Variants in VDAC1 observed in about 807,000 individuals in gnomAD.
VDAC1 encodes non-selective voltage-gated ion channel VDAC1.
In VDAC1, 10 loss-of-function variants were observed where a neutral mutation model predicts 34.7. The observed-to-expected ratio is 0.29, with a 90% CI of 0.18 to 0.49. The LOEUF is 0.49. VDAC1 is among the 20% of genes least tolerant of loss of function. The pLI is 0.99. For synonymous variants in VDAC1, 130 were observed against 136.0 expected (o/e 0.96, Z 0.30); for missense variants, 230 against 347.9 (o/e 0.66, Z 2.69).
chr5:133,977,732 A>G (rs987750317), intron 6 of VDAC1, among the ~76,000 whole-genome samples: 2 of 152,204 alleles, frequency 1.3e-5, no homozygotes, highest in African/African-American at 4.8e-5. Flanking sequence ...TTCTCCATGG[A>G]GGGAACCACA....
At chr5:134,095,522 A>AAATAAATC in the VDAC1 span, among the ~76,000 whole-genome samples, 141 of 150,932 alleles carry the variant, frequency 9.3e-4, no homozygotes, top group African/African-American at 2.2e-3. Flanking sequence ...ATAAATAAAT[A>AAATAAATC]AATCCAAGAG....
chr5:134,029,868 C>T, the VDAC1 span, among the ~76,000 whole-genome samples: 15 of 152,096 alleles, frequency 9.9e-5, no homozygotes, highest in Admixed American at 2.6e-4. Context: ...TAAATCTACA[C>T]ATGTGAGAAA....
At chr5:134,092,917 G>A in the VDAC1 span, among the ~76,000 whole-genome samples, 3 of 152,208 alleles carry the variant, frequency 2.0e-5, no homozygotes, top group Non-Finnish European at 4.4e-5. Context: ...CAGCGGAGCT[G>A]CTAGAATTTC....
chr5:134,015,737 C>G, the VDAC1 span, among the ~76,000 whole-genome samples: 1 of 151,640 alleles, frequency 6.6e-6, no homozygotes, highest in Non-Finnish European at 1.5e-5. Flanking sequence ...CTCCGCCTCC[C>G]GGGTTCAAGC....
the VDAC1 span, among the ~76,000 whole-genome samples, chr5:134,042,415 C>A: frequency 6.6e-6 from 1 of 152,226 alleles, no homozygotes; most frequent in South Asian, 2.1e-4. Context: ...GGCTAGGTGA[C>A]CTGCCCCGTG....
At chr5:134,042,212 G>T in the VDAC1 span, among the ~76,000 whole-genome samples, 4 of 152,156 alleles carry the variant, frequency 2.6e-5, no homozygotes, top group Non-Finnish European at 5.9e-5. Flanking sequence ...GTGGGCTCAG[G>T]GTCATGGCCA....
chr5:133,991,032 T>A lies in VDAC1; in HGVS notation c.240A>T (p.Thr80=), dbSNP rs746406493. The change falls in exon 4 of 9, where the codon ACA becomes ACT. Residue 80 remains threonine, a synonymous_variant. Transcript: ENST00000265333. ...CTTCCACAGTAATCTCGGTGCCTAG[T>A]GTATTGTCGGTATTCCATTTCTCTG... is the stretch of plus-strand genomic sequence containing the variant. ...TFTEKWNTDN[T]LGTEITVEDQ... is the part of the protein sequence containing the mutation. 3.1e-6 allele frequency: 5 copies of A among 1,614,140 alleles called. No individual in the cohort carries two copies. In the South Asian group the frequency reaches 4.4e-5, roughly 14 times the overall value.
At chr5:134,056,886 G>C in the VDAC1 span, among the ~76,000 whole-genome samples, 1 of 151,640 alleles carries the variant, frequency 6.6e-6, no homozygotes, top group Non-Finnish European at 1.5e-5. Context: ...GTTTCTCCAT[G>C]TTGAGGCTGG....
upstream of VDAC1, among the ~76,000 whole-genome samples, chr5:134,007,243 A>C (rs1219569108): frequency 1.9e-5 from 1 of 53,012 alleles, no homozygotes; most frequent in Non-Finnish European, 4.7e-5. Flanking sequence ...AAACTCTGCC[A>C]AAAAAAAAAA....
chr5:134,057,788 G>A, the VDAC1 span, among the ~76,000 whole-genome samples: 4 of 151,918 alleles, frequency 2.6e-5, no homozygotes, highest in African/African-American at 9.7e-5. Context: ...CCACATTGCA[G>A]TACCCATTTC....
chr5:134,062,736 C>T, the VDAC1 span, among the ~76,000 whole-genome samples: 1 of 151,710 alleles, frequency 6.6e-6, no homozygotes, highest in East Asian at 1.9e-4. Flanking sequence ...AAGCGATTCT[C>T]CCGCCTCAGC....
the VDAC1 span, among the ~76,000 whole-genome samples, chr5:134,081,537 T>C: frequency 6.6e-6 from 1 of 152,260 alleles, no homozygotes; most frequent in Non-Finnish European, 1.5e-5. Context: ...TGCTAAAAAC[T>C]GTGAAATAAA....
At chr5:134,018,837 A>G in the VDAC1 span, among the ~76,000 whole-genome samples, 1 of 152,200 alleles carries the variant, frequency 6.6e-6, no homozygotes, top group East Asian at 1.9e-4. Context: ...CCCTGTGGGC[A>G]TTTGACCAGG....
chr5:133,990,839 CA>C lies in VDAC1; in HGVS notation c.323+15del, dbSNP rs144112251. The C allele has an allele frequency of 1.2e-5, 19 of 1,526,974 alleles. No homozygotes were observed. In the African/African-American group the frequency reaches 2.1e-4, roughly 17 times the overall value. The allele number at this position is 1,526,974 out of a possible 1,614,324, so 94.6% of individuals were successfully genotyped here. ...TCAGAGAACATCCTTGTGGAGAAAA[CA>C]GATGAAACTCTTACCCAGTGTTAGG... On this transcript the variant is annotated intron_variant, in intron 5 of 8. Transcript: ENST00000265333.
chr5:134,057,808 G>A, the VDAC1 span, among the ~76,000 whole-genome samples: 85 of 152,020 alleles, frequency 5.6e-4, 2 homozygotes, highest in Admixed American at 5.5e-3. Context: ...CCCTACATTC[G>A]CTTCAACACT....
chr5:133,972,920 A>T, intron 8 of VDAC1, 58 bp from the exon 9 acceptor site: 1 of 1,440,382 alleles, frequency 6.9e-7, no homozygotes, highest in South Asian at 1.2e-5. Flanking sequence ...AGAAATGACA[A>T]GAAAGATTAA....
At chr5:134,049,461 T>A in the VDAC1 span, among the ~76,000 whole-genome samples, 1 of 152,296 alleles carries the variant, frequency 6.6e-6, no homozygotes, top group South Asian at 2.1e-4. Flanking sequence ...CCATAAATAA[T>A]TCTGCAATAA....
intron 1 of VDAC1, among the ~76,000 whole-genome samples, chr5:133,998,237 T>C (rs1014693707): frequency 5.9e-5 from 9 of 152,186 alleles, no homozygotes; most frequent in Admixed American, 3.3e-4. Flanking sequence ...AATCTGCAAA[T>C]TGGGGCTGGC....
At chr5:134,069,706 CT>C in the VDAC1 span, among the ~76,000 whole-genome samples, 1 of 152,130 alleles carries the variant, frequency 6.6e-6, no homozygotes, top group African/African-American at 2.4e-5. Flanking sequence ...GGTTTGCATG[CT>C]GATGGATGTG....
Sources: allele counts gnomAD v4.1 joint callset (sites outside exome capture counted in the v4.1 genomes callset), GRCh38; gene constraint gnomAD v4.1.1; transcripts MANE v1.5; gene names NCBI Gene and HGNC (gene_info 2026-07-23, HGNC 2026-07-21).